The following ETV7 variants were observed in gnomAD, a reference collection of about 807,000 sequenced individuals.
ETV7 encodes transcription factor ETV7.
In ETV7, 43 loss-of-function variants were observed where a neutral mutation model predicts 39.1. That is an observed-to-expected ratio of 1.10 (90% confidence interval 0.86 to 1.42). The LOEUF (loss-of-function observed/expected upper bound fraction) is 1.42, where lower values mean the gene tolerates loss of function less well. ETV7 is among the 40% of genes most tolerant of loss of function. ETV7 has a pLI of 0.00. For synonymous variants in ETV7, 196 were observed against 176.6 expected (o/e 1.11, Z -0.87); for missense variants, 432 against 442.3 (o/e 0.98, Z 0.21).
intron 6 of ETV7, among the ~76,000 whole-genome samples, chr6:36,367,314 G>C (rs940378413): frequency 1.3e-5 from 2 of 152,028 alleles, no homozygotes; most frequent in African/African-American, 4.8e-5. Flanking sequence ...GTGATGGTGC[G>C]TGCCTGTAGT....
chr6:36,373,051 G>C (rs1773112895), intron 4 of ETV7, among the ~76,000 whole-genome samples: 1 of 151,858 alleles, frequency 6.6e-6, no homozygotes, highest in Non-Finnish European at 1.5e-5. Context: ...AGGGAAGAAA[G>C]AGTTTTGGGG....
At chr6:36,372,513 C>T (rs538807346) in intron 4 of ETV7, among the ~76,000 whole-genome samples, 8 of 151,262 alleles carry the variant, frequency 5.3e-5, no homozygotes, top group South Asian at 2.1e-4. Context: ...CCAGTGAGGA[C>T]GTTCTCCAGA....
chr6:36,380,911 A>C, intron 2 of ETV7, among the ~76,000 whole-genome samples: 2 of 145,460 alleles, frequency 1.4e-5, no homozygotes. Context: ...TTCCCACAGC[A>C]TCCCTTTTAC....
downstream of ETV7, among the ~76,000 whole-genome samples, chr6:36,363,263 C>G (rs997322188): frequency 2.0e-5 from 3 of 152,042 alleles, no homozygotes; most frequent in African/African-American, 2.4e-5. Flanking sequence ...CCGACGTGTT[C>G]AGAGTTTCTT....
chr6:36,357,302 C>T (rs1582157212), intron 7 of ETV7, among the ~76,000 whole-genome samples: 1 of 152,152 alleles, frequency 6.6e-6, no homozygotes. Flanking sequence ...ACACAGCCAA[C>T]CTGTGGGAGC....
intron 3 of ETV7, among the ~76,000 whole-genome samples, chr6:36,374,679 C>T (rs1232441752): frequency 6.6e-6 from 1 of 152,222 alleles, no homozygotes; most frequent in Non-Finnish European, 1.5e-5. Context: ...CCTGCCCTCC[C>T]CTCACCTCCC....
downstream of ETV7, among the ~76,000 whole-genome samples, chr6:36,363,845 C>T (rs529823045): frequency 5.3e-5 from 8 of 150,360 alleles, no homozygotes; most frequent in Middle Eastern, 3.2e-3. Context: ...TACAGAGTGT[C>T]GATTGGTGCA....
At chr6:36,376,484 AG>A (rs1477413158) in intron 2 of ETV7, among the ~76,000 whole-genome samples, 2 of 152,206 alleles carry the variant, frequency 1.3e-5, no homozygotes, top group Admixed American at 6.5e-5. Flanking sequence ...ACCCAATGAA[AG>A]GGGTGTTACT....
At chr6:36,364,176 A>G (rs1772628251), downstream of ETV7, among the ~76,000 whole-genome samples, 1 of 152,248 alleles carries the variant, frequency 6.6e-6, no homozygotes, top group South Asian at 2.1e-4. Context: ...CACCCAGTGG[A>G]TCCTGCACTG....
At chr6:36,362,642 A>C (rs532365514), downstream of ETV7, among the ~76,000 whole-genome samples, 8 of 152,262 alleles carry the variant, frequency 5.3e-5, no homozygotes, top group East Asian at 1.9e-4. Context: ...TACTCCAGGC[A>C]CCCAGGGGTC....
chr6:36,386,563 G>A (rs1008451455), intron 1 of ETV7, among the ~76,000 whole-genome samples: 2 of 152,200 alleles, frequency 1.3e-5, no homozygotes, highest in African/African-American at 4.8e-5. Context: ...GCACGGAAAG[G>A]AAAAGTGAAA....
At chr6:36,358,638 G>A (rs1772399768) in intron 7 of ETV7, among the ~76,000 whole-genome samples, 1 of 152,206 alleles carries the variant, frequency 6.6e-6, no homozygotes, top group Non-Finnish European at 1.5e-5. Context: ...GGGTGGTGGA[G>A]AAGAAAGTGC....
At chr6:36,360,745 C>T (rs1379162129) in intron 7 of ETV7, among the ~76,000 whole-genome samples, 1 of 152,142 alleles carries the variant, frequency 6.6e-6, no homozygotes, top group Non-Finnish European at 1.5e-5. Context: ...AATCCCATTT[C>T]CCGTGCAGTC....
At chr6:36,384,388 G>T (rs1362329771) in intron 2 of ETV7, among the ~76,000 whole-genome samples, 1 of 152,194 alleles carries the variant, frequency 6.6e-6, no homozygotes, top group African/African-American at 2.4e-5. Flanking sequence ...GCCCACAGAA[G>T]TGATCCTGCA....
intron 7 of ETV7, among the ~76,000 whole-genome samples, chr6:36,357,087 C>G (rs1772361553): frequency 6.6e-6 from 1 of 152,088 alleles, no homozygotes; most frequent in African/African-American, 2.4e-5. Context: ...CAAGGAGAAA[C>G]CTATGTTTTA....
chr6:36,356,997 A>G (rs527742600), intron 7 of ETV7, among the ~76,000 whole-genome samples: 1 of 152,386 alleles, frequency 6.6e-6, no homozygotes, highest in South Asian at 2.1e-4. Flanking sequence ...ATTGGAAGCC[A>G]GCATGGAGTT....
At chr6:36,386,626 A>T (rs1402839637) in intron 1 of ETV7, among the ~76,000 whole-genome samples, 1 of 152,232 alleles carries the variant, frequency 6.6e-6, no homozygotes, top group African/African-American at 2.4e-5. Context: ...CTTTACATTC[A>T]TCTCTTGGGA....
intron 6 of ETV7, among the ~76,000 whole-genome samples, chr6:36,368,310 A>G (rs744848): frequency 0.28 from 42,846 of 152,092 alleles, 6,968 homozygotes; most frequent in African/African-American, 0.41. Flanking sequence ...GATGATTATC[A>G]TTATCGTTAA....
downstream of ETV7, among the ~76,000 whole-genome samples, chr6:36,363,288 C>A (rs537153836): frequency 6.6e-6 from 1 of 151,458 alleles, no homozygotes; most frequent in African/African-American, 2.4e-5. Flanking sequence ...CTGGTGGGTT[C>A]GTGGTCTCGC....
Sources: gnomAD v4.1 joint callset for allele counts (sites outside exome capture counted in the v4.1 genomes callset) on GRCh38, gnomAD v4.1.1 for gene constraint, MANE v1.5 for transcripts, NCBI Gene and HGNC (gene_info 2026-07-23, HGNC 2026-07-21) for gene names.